Variants in UBE2L3 observed in about 807,000 individuals in gnomAD.
The protein encoded by UBE2L3 is ubiquitin-conjugating enzyme E2 L3.
UBE2L3 carries 1 observed loss-of-function variant against 17.8 expected under a neutral mutation model. The observed-to-expected ratio is 0.06, with a 90% CI of 0.02 to 0.27. The LOEUF (loss-of-function observed/expected upper bound fraction) is 0.27. Ranked by LOEUF, UBE2L3 falls within the 10% of genes least tolerant of loss-of-function variation. The probability of loss-of-function intolerance (pLI) is 1.00; values close to 1 mark genes in which losing one functional copy is unlikely to be tolerated. For missense variants in UBE2L3, 40 were observed against 192.6 expected (o/e 0.21, Z 4.69); for synonymous variants, 44 against 68.5 (o/e 0.64, Z 1.76).
intron 2 of UBE2L3, among the ~76,000 whole-genome samples, chr22:21,604,770 T>G (rs550809674): frequency 6.6e-6 from 1 of 152,274 alleles, no homozygotes; most frequent in South Asian, 2.1e-4. Flanking sequence ...CAAAAATCTC[T>G]GGGACAGGCA....
At chr22:21,591,429 T>C (rs979452684) in intron 1 of UBE2L3, among the ~76,000 whole-genome samples, 1 of 152,218 alleles carries the variant, frequency 6.6e-6, no homozygotes, top group East Asian at 1.9e-4. Flanking sequence ...GGGAAACTTG[T>C]GCCTGTTGCC....
intron 1 of UBE2L3, among the ~76,000 whole-genome samples, chr22:21,569,132 C>A (rs1056359902): frequency 6.6e-6 from 1 of 151,142 alleles, no homozygotes. Context: ...CGATGGCTCA[C>A]GCCTGTAATC....
upstream of UBE2L3, among the ~76,000 whole-genome samples, chr22:21,565,796 C>A (rs1291786902): frequency 5.4e-5 from 7 of 129,414 alleles, no homozygotes; most frequent in Non-Finnish European, 1.2e-4. Context: ...AGAAAAACTC[C>A]TTAAGAAGGT....
At chr22:21,581,949 T>TG (rs1927661266) in intron 1 of UBE2L3, among the ~76,000 whole-genome samples, 2 of 147,088 alleles carry the variant, frequency 1.4e-5, no homozygotes, top group South Asian at 2.1e-4. Context: ...CCATGTCTAC[T>TG]GAAAAAAAAA....
chr22:21,600,121 G>A (rs1199599663), intron 2 of UBE2L3, among the ~76,000 whole-genome samples: 2 of 152,026 alleles, frequency 1.3e-5, no homozygotes, highest in Non-Finnish European at 2.9e-5. Context: ...AGACCAGCCT[G>A]TCCAATGTGG....
chr22:21,595,951 C>T (rs1036925537), intron 2 of UBE2L3, among the ~76,000 whole-genome samples: 5 of 152,058 alleles, frequency 3.3e-5, no homozygotes, highest in Non-Finnish European at 7.4e-5. Flanking sequence ...CTGCAACCTC[C>T]GCCTCCCGGG....
At chr22:21,565,754 CAAAAAAAAAAAAAA>C (rs131662), upstream of UBE2L3, among the ~76,000 whole-genome samples, 5 of 30,276 alleles carry the variant, frequency 1.7e-4, no homozygotes, top group East Asian at 1.5e-3. Flanking sequence ...AACTGTGTCT[CAAAAAAAAAAAAAA>C]AAAAAAAAAA....
chr22:21,558,678 C>T (rs1370419611), intron 1 of UBE2L3, among the ~76,000 whole-genome samples: 5 of 143,794 alleles, frequency 3.5e-5, no homozygotes, highest in Non-Finnish European at 7.5e-5. Context: ...TTTGTAGAGA[C>T]AGGGTCTCCC....
chr22:21,609,309 G>A (rs1332344967), intron 2 of UBE2L3, among the ~76,000 whole-genome samples: 1 of 152,208 alleles, frequency 6.6e-6, no homozygotes, highest in East Asian at 1.9e-4. Context: ...GCTTATAACA[G>A]CTTTATTCAT....
chr22:21,614,832 C>T (rs778470440), intron 3 of UBE2L3, among the ~76,000 whole-genome samples: 2 of 150,200 alleles, frequency 1.3e-5, no homozygotes, highest in African/African-American at 2.4e-5. Context: ...TGAAAAGAGC[C>T]CAAATGTCCA....
intron 1 of UBE2L3, among the ~76,000 whole-genome samples, chr22:21,571,243 A>G (rs1926945596): frequency 6.6e-6 from 1 of 152,348 alleles, no homozygotes; most frequent in African/African-American, 2.4e-5. Flanking sequence ...TGAAACCTTT[A>G]TGTGTGGCTT....
chr22:21,615,023 CGG>C (rs1929690125), intron 3 of UBE2L3, among the ~76,000 whole-genome samples: 1 of 148,714 alleles, frequency 6.7e-6, no homozygotes, highest in Non-Finnish European at 1.5e-5. Context: ...GGTGTGGTGG[CGG>C]GCGCCTGTAA....
upstream of UBE2L3, among the ~76,000 whole-genome samples, chr22:21,563,689 G>A (rs1479621070): frequency 5.5e-5 from 8 of 146,660 alleles, no homozygotes; most frequent in East Asian, 4.1e-4. Context: ...CGATTCTCCC[G>A]CCTCAGCCTC....
intron 1 of UBE2L3, among the ~76,000 whole-genome samples, chr22:21,555,847 A>T (rs367148): frequency 6.6e-6 from 1 of 152,206 alleles, no homozygotes; most frequent in Non-Finnish European, 1.5e-5. Context: ...CAGGAGAATC[A>T]CTTGAACCCA....
chr22:21,606,708 G>A (rs1929194424), intron 2 of UBE2L3, among the ~76,000 whole-genome samples: 1 of 152,186 alleles, frequency 6.6e-6, no homozygotes, highest in African/African-American at 2.4e-5. Flanking sequence ...AAATAGCTGA[G>A]TGTGGTGGCA....
intron 1 of UBE2L3, among the ~76,000 whole-genome samples, chr22:21,557,535 T>G (rs1926279704): frequency 6.6e-6 from 1 of 152,246 alleles, no homozygotes; most frequent in African/African-American, 2.4e-5. Flanking sequence ...ACTCTTTTTT[T>G]TTTTTGAGAC....
At chr22:21,600,339 CAAAA>C (rs940472339) in intron 2 of UBE2L3, among the ~76,000 whole-genome samples, 1 of 151,896 alleles carries the variant, frequency 6.6e-6, no homozygotes, top group African/African-American at 2.4e-5. Flanking sequence ...ACAAAACAAA[CAAAA>C]AAACTTATTC....
chr22:21,555,000 TCCTGACCTCAAGTGATC>T (rs1263192059), intron 1 of UBE2L3: 11 of 145,472 alleles, frequency 7.6e-5, no homozygotes, highest in Non-Finnish European at 1.2e-4. Flanking sequence ...GGTCTTGAAC[TCCTGACCTCAAGTGATC>T]CACAGGCCTC....
rs1215218887 is a variant in UBE2L3, at chr22:21,555,694, G to A, written c.201+6044G>A. ...TGCCTGTAATCCCAGCACTTTAGGAGGCCAAGGTGGGTGGATCACTTGAGA... is the reference window on the plus strand; with the variant it reads ...TGCCTGTAATCCCAGCACTTTAGGAAGCCAAGGTGGGTGGATCACTTGAGA... On this transcript the variant is annotated intron_variant, in intron 1 of 3. Transcript: ENST00000458578. Among the ~76,000 whole-genome samples the A allele has an allele frequency of 2.0e-5, 3 of 152,376 alleles. No homozygotes were observed. The East Asian group carries it at 5.8e-4, about 29-fold the overall frequency.
Sources: gnomAD v4.1 joint callset for allele counts (sites outside exome capture counted in the v4.1 genomes callset) on GRCh38, gnomAD v4.1.1 for gene constraint, MANE v1.5 for transcripts, NCBI Gene and HGNC (gene_info 2026-07-23, HGNC 2026-07-21) for gene names.